LASP1: variants seen among roughly 807,000 people sequenced by gnomAD.
LASP1 encodes the protein LIM and SH3 protein 1.
Under a neutral mutation model 38.6 loss-of-function variants are expected in LASP1, and 10 were observed. That is an observed-to-expected ratio of 0.26 (90% CI 0.16 to 0.44). The LOEUF is 0.44. Among genes scored for constraint, LASP1 ranks in the 20% least tolerant of loss-of-function variants. The pLI, the probability that LASP1 is intolerant of heterozygous loss-of-function variation, is 1.00. For missense variants in LASP1, 243 were observed against 375.7 expected (o/e 0.65, Z 2.92); for synonymous variants, 132 against 140.8 (o/e 0.94, Z 0.44).
At chr17:38,914,071 A>G (rs1177144817) in intron 4 of LASP1, among the ~76,000 whole-genome samples, 2 of 151,936 alleles carry the variant, frequency 1.3e-5, no homozygotes, top group South Asian at 2.1e-4. Flanking sequence ...GTCCTTTTAC[A>G]TCGGTCATTT....
chr17:38,881,151 A>G (rs1335766940), intron 2 of LASP1, among the ~76,000 whole-genome samples: 1 of 152,176 alleles, frequency 6.6e-6, no homozygotes, highest in Admixed American at 6.5e-5. Context: ...CTGCCCAGGG[A>G]TGTTGGACCC....
intron 2 of LASP1, chr17:38,890,176 TCTC>T (rs1914264403): frequency 1.9e-6 from 1 of 520,824 alleles, no homozygotes; most frequent in Admixed American, 3.2e-5. Context: ...TCAGGACAGT[TCTC>T]CTTGGCTGGC....
chr17:38,913,773 G>C (rs530565723), intron 4 of LASP1, among the ~76,000 whole-genome samples: 5 of 152,136 alleles, frequency 3.3e-5, no homozygotes, highest in Non-Finnish European at 5.9e-5. Flanking sequence ...AGGCCGAGGC[G>C]GGTGGATCAC....
At chr17:38,877,239 A>G (rs574659776) in intron 1 of LASP1, among the ~76,000 whole-genome samples, 114 of 152,282 alleles carry the variant, frequency 7.5e-4, no homozygotes, top group African/African-American at 2.6e-3. Flanking sequence ...AGGTGTTATT[A>G]CATCCATTGT....
Position 38,918,579 on chromosome 17 carries a change from C to G in LASP1, c.613-26C>G. On this transcript the variant is annotated intron_variant, in intron 6 of 6. Coordinates refer to ENST00000318008, the MANE Select transcript of LASP1 (RefSeq NM_006148.4). This position sits in a 1 kb window ranked among gnomAD's most constrained non-coding sequence, Gnocchi z 4.4. ...CCCAGGTGAGCCGGCATGCAGGGCC[C>G]TAGGCTGACCACACTTCCCCCACAG... is the stretch of plus-strand genomic sequence containing the variant. The G allele has an allele frequency of 1.9e-6, 3 of 1,567,892 alleles. No homozygotes were observed. The East Asian group carries it at 6.8e-5, about 36-fold the overall frequency.
chr17:38,886,557 T>C (rs1914144306), intron 2 of LASP1, among the ~76,000 whole-genome samples: 1 of 152,054 alleles, frequency 6.6e-6, no homozygotes, highest in Non-Finnish European at 1.5e-5. Context: ...ACTCCAGCTG[T>C]CGGGGGCTGA....
At chr17:38,870,730 G>A (rs1053258822) in intron 1 of LASP1, among the ~76,000 whole-genome samples, 2 of 152,190 alleles carry the variant, frequency 1.3e-5, no homozygotes, top group African/African-American at 2.4e-5. Context: ...CGCTCCGGCG[G>A]GGGTGGCCTG....
At position 38,890,658 on chromosome 17, in the gene LASP1, C is replaced by G. The variant is rs1049420007; in HGVS notation, c.249+154C>G. Among the ~76,000 whole-genome samples the G allele has an allele frequency of 3.9e-5, 6 of 152,168 alleles. No individual in the cohort carries two copies. In the East Asian group the frequency reaches 9.6e-4, roughly 24 times the overall value. ...ATTGCCTTTAATCTTGACCCCACCC[C>G]TGACTTTATCAAAGGAGCAGGGTAG... On this transcript the variant is annotated intron_variant, in intron 3 of 6. Transcript: ENST00000318008.
At chr17:38,877,076 C>T (rs926399503) in intron 1 of LASP1, among the ~76,000 whole-genome samples, 2 of 152,242 alleles carry the variant, frequency 1.3e-5, no homozygotes, top group Admixed American at 6.5e-5. Flanking sequence ...CACCCCAACA[C>T]ACACAATCTC....
At chr17:38,914,998 G>A in intron 5 of LASP1, 45 bp from the exon 6 acceptor site, 2 of 1,592,294 alleles carry the variant, frequency 1.3e-6, no homozygotes, top group South Asian at 1.1e-5. Context: ...GAGGGGCTGG[G>A]TTTGGCAGGA....
At chr17:38,914,260 G>A (rs2143826510) in intron 4 of LASP1, 65 bp from the exon 5 acceptor site, 1 of 1,546,718 alleles carries the variant, frequency 6.5e-7, no homozygotes, top group East Asian at 2.4e-5. Context: ...GGATCTTGAG[G>A]GTCACGGGAA....
At position 38,898,209 on chromosome 17, in the gene LASP1, C is replaced by G. The variant is rs8075092; in HGVS notation, c.250-203C>G. 9.2e-3 allele frequency among the ~76,000 whole-genome samples: 1,395 copies of G among 152,294 alleles called. 22 individuals carry two copies. Among genetic ancestry groups the G allele is most frequent in the African/African-American group, 0.032 (1,325 of 41,558 alleles). On this transcript the variant is annotated intron_variant, in intron 3 of 6. Coordinates refer to ENST00000318008, the MANE Select transcript of LASP1 (RefSeq NM_006148.4). Reference sequence around the variant, plus strand: ...CTCTGTGCCTGCCATTCACTGTGCACCAAAGACTTGGTAGTGGCTTATTAT... The same window carrying G: ...CTCTGTGCCTGCCATTCACTGTGCAGCAAAGACTTGGTAGTGGCTTATTAT...
intron 4 of LASP1, among the ~76,000 whole-genome samples, chr17:38,913,900 G>T (rs1005456459): frequency 6.6e-6 from 1 of 152,058 alleles, no homozygotes; most frequent in African/African-American, 2.4e-5. Flanking sequence ...CGCCCAGGAG[G>T]CTGAGGCAGG....
At chr17:38,893,130 A>C (rs764629509) in intron 3 of LASP1, among the ~76,000 whole-genome samples, 1 of 152,260 alleles carries the variant, frequency 6.6e-6, no homozygotes, top group Non-Finnish European at 1.5e-5. Flanking sequence ...TGAGGTTTAC[A>C]GAGGCTGCCC....
At chr17:38,887,475 C>A (rs1378847392) in intron 2 of LASP1, among the ~76,000 whole-genome samples, 1 of 152,250 alleles carries the variant, frequency 6.6e-6, no homozygotes, top group African/African-American at 2.4e-5. Context: ...CTGTGGGTGG[C>A]CCTGGCTGCA....
In LASP1 at chr17:38,905,141, C is replaced by T. The variant is rs550619625; in HGVS notation, c.357+6622C>T. ...ATACCACATTTTATTGATTCTGTTG[C>T]TGGTGGACATTTGTACTGTTTCCAG... On this transcript the variant is annotated intron_variant, in intron 4 of 6. Coordinates refer to ENST00000318008, the MANE Select transcript of LASP1 (RefSeq NM_006148.4). Among the ~76,000 whole-genome samples the T allele has an allele frequency of 1.6e-4, 24 of 152,218 alleles. No individual in the cohort carries two copies. In the South Asian group the frequency reaches 4.8e-3, roughly 30 times the overall value.
intron 4 of LASP1, among the ~76,000 whole-genome samples, chr17:38,904,169 G>A (rs566776473): frequency 1.3e-5 from 2 of 152,280 alleles, no homozygotes; most frequent in East Asian, 1.9e-4. Context: ...CAAGAGCCCA[G>A]TGTTCACAGT....
At chr17:38,871,425 A>G (rs1264665092) in intron 1 of LASP1, among the ~76,000 whole-genome samples, 1 of 151,832 alleles carries the variant, frequency 6.6e-6, no homozygotes, top group Non-Finnish European at 1.5e-5. Context: ...CCACCACCCA[A>G]AGCTGGCTCC....
chr17:38,892,832 C>T (rs1180063492), intron 3 of LASP1, among the ~76,000 whole-genome samples: 2 of 152,352 alleles, frequency 1.3e-5, no homozygotes, highest in Non-Finnish European at 2.9e-5. Flanking sequence ...GCTCCTGTCC[C>T]TGGCCTGTGC....
Sources: gnomAD v4.1 joint callset for allele counts (sites outside exome capture counted in the v4.1 genomes callset) on GRCh38, gnomAD v4.1.1 for gene constraint, Gnocchi (gnomAD v3.1) non-coding constraint, MANE v1.5 for transcripts, NCBI Gene and HGNC (gene_info 2026-07-23, HGNC 2026-07-21) for gene names.